NXPH1: variants seen among roughly 807,000 people sequenced by gnomAD.
NXPH1 encodes the protein neurexophilin 1, also known as neurexophilin-1.
Under a neutral mutation model 23.7 loss-of-function variants are expected in NXPH1, and 5 were observed. That is an observed-to-expected ratio of 0.21 (90% CI 0.11 to 0.44). The LOEUF is 0.44. Ranked by LOEUF, NXPH1 falls within the 20% of genes least tolerant of loss-of-function variation. The pLI is 0.99. For missense variants in NXPH1, 324 were observed against 321.6 expected, an observed-to-expected ratio of 1.01 and a Z score of -0.06; for synonymous variants, 144 against 122.2, an observed-to-expected ratio of 1.18 and a Z score of -1.18.
intron 2 of NXPH1, among the ~76,000 whole-genome samples, chr7:8,732,931 G>C (rs1214509425): frequency 6.6e-6 from 1 of 152,130 alleles, no homozygotes; most frequent in East Asian, 1.9e-4. Flanking sequence ...AGAGCATGCA[G>C]ATTTGTTACA....
intron 2 of NXPH1, among the ~76,000 whole-genome samples, chr7:8,671,886 A>G (rs1820873573): frequency 6.6e-6 from 1 of 152,186 alleles, no homozygotes; most frequent in African/African-American, 2.4e-5. Flanking sequence ...TTTTGGCTGT[A>G]TAAATGTCTT....
intron 2 of NXPH1, among the ~76,000 whole-genome samples, chr7:8,488,738 C>G (rs947454060): frequency 1.3e-5 from 2 of 152,136 alleles, no homozygotes; most frequent in Admixed American, 6.6e-5. Flanking sequence ...GTTTCTACAT[C>G]TGTAAAATGG....
At chr7:8,693,118 G>A (rs889816760) in intron 2 of NXPH1, among the ~76,000 whole-genome samples, 1 of 152,076 alleles carries the variant, frequency 6.6e-6, no homozygotes, top group Non-Finnish European at 1.5e-5. Flanking sequence ...CAAGAAGAAG[G>A]GAGAGTCTCA....
chr7:8,672,736 T>C (rs1291753981), intron 2 of NXPH1, among the ~76,000 whole-genome samples: 1 of 152,222 alleles, frequency 6.6e-6, no homozygotes, highest in Non-Finnish European at 1.5e-5. Context: ...ATACGAACAC[T>C]GTGTGCTAAC....
intron 2 of NXPH1, among the ~76,000 whole-genome samples, chr7:8,714,236 G>A (rs755009459): frequency 6.6e-6 from 1 of 152,102 alleles, no homozygotes; most frequent in African/African-American, 2.4e-5. Flanking sequence ...CCCATGGAGA[G>A]TATTGCCAGG....
intron 2 of NXPH1, among the ~76,000 whole-genome samples, chr7:8,699,080 C>T (rs1005134078): frequency 1.3e-5 from 2 of 152,056 alleles, no homozygotes; most frequent in Non-Finnish European, 2.9e-5. Flanking sequence ...AGGATTAGAA[C>T]AGATCAAATT....
At chr7:8,673,620 C>A (rs899776074) in intron 2 of NXPH1, among the ~76,000 whole-genome samples, 14 of 152,148 alleles carry the variant, frequency 9.2e-5, no homozygotes, top group African/African-American at 3.1e-4. Context: ...TGCTTTCATG[C>A]ATACATTTGG....
chr7:8,647,640 C>A (rs1450881252), intron 2 of NXPH1, among the ~76,000 whole-genome samples: 1 of 151,928 alleles, frequency 6.6e-6, no homozygotes, highest in East Asian at 1.9e-4. Flanking sequence ...CTTTTAATCG[C>A]TAGTTATGTT....
chr7:8,486,645 C>T (rs1192064311), intron 2 of NXPH1, among the ~76,000 whole-genome samples: 1 of 152,152 alleles, frequency 6.6e-6, no homozygotes, highest in Non-Finnish European at 1.5e-5. Flanking sequence ...ATGCTGGATC[C>T]AGCCCTGCCT....
intron 2 of NXPH1, among the ~76,000 whole-genome samples, chr7:8,492,103 T>C (rs1817256753): frequency 6.6e-6 from 1 of 152,068 alleles, no homozygotes. Flanking sequence ...TATGTGGCCA[T>C]TGGAGCTGAT....
intron 2 of NXPH1, among the ~76,000 whole-genome samples, chr7:8,647,956 G>A (rs1171512091): frequency 6.6e-6 from 1 of 151,924 alleles, no homozygotes; most frequent in Non-Finnish European, 1.5e-5. Flanking sequence ...TTAATTTTTA[G>A]TCAAAATATT....
chr7:8,484,941 G>A (rs925976782), intron 2 of NXPH1, among the ~76,000 whole-genome samples: 1 of 152,120 alleles, frequency 6.6e-6, no homozygotes, highest in Admixed American at 6.6e-5. Flanking sequence ...TGTGAGTCTG[G>A]AGCATATTTG....
chr7:8,751,893 G>T lies in NXPH1; in HGVS notation c.*124G>T. On this transcript the variant is annotated 3_prime_UTR_variant, in exon 3 of 3. Transcript: ENST00000405863. This position sits in a 1 kb window ranked among gnomAD's most constrained non-coding sequence, Gnocchi z 4.5. ...GTCTACACTGCTGCTCTTGTCAACT[G>T]GCTGCAAAATACACTAGTGGAAAAC... The T allele has an allele frequency of 1.1e-6, 1 of 907,456 alleles. No homozygotes were observed. The highest frequency in any genetic ancestry group is 1.6e-6 in the Non-Finnish European group (1 of 621,614). The allele number at this position is 907,456 out of a possible 1,614,324, so 56.2% of individuals were successfully genotyped here.
chr7:8,461,629 G>T (rs1816696318), intron 2 of NXPH1, among the ~76,000 whole-genome samples: 2 of 151,056 alleles, frequency 1.3e-5, no homozygotes, highest in African/African-American at 4.9e-5. Flanking sequence ...AGGAGATCGA[G>T]ACCATCCTGG....
intron 2 of NXPH1, among the ~76,000 whole-genome samples, chr7:8,683,225 A>G (rs1209203182): frequency 6.6e-6 from 1 of 152,232 alleles, no homozygotes; most frequent in African/African-American, 2.4e-5. Flanking sequence ...CTTTTGCATA[A>G]ATGCATAGAG....
intron 2 of NXPH1, among the ~76,000 whole-genome samples, chr7:8,526,151 G>C (rs1044049080): frequency 5.3e-5 from 8 of 152,250 alleles, no homozygotes; most frequent in Admixed American, 4.6e-4. Context: ...TTGCATCAGC[G>C]TGAGCTGGAT....
chr7:8,601,767 C>A (rs1819367931), intron 2 of NXPH1, among the ~76,000 whole-genome samples: 1 of 152,176 alleles, frequency 6.6e-6, no homozygotes, highest in Non-Finnish European at 1.5e-5. Flanking sequence ...CTTCACTTCC[C>A]AGATTTGTGA....
At chr7:8,473,848 C>A (rs141732936) in intron 2 of NXPH1, among the ~76,000 whole-genome samples, 1 of 151,944 alleles carries the variant, frequency 6.6e-6, no homozygotes, top group African/African-American at 2.4e-5. Flanking sequence ...TGAATCTACC[C>A]CCAAAGAACC....
At chr7:8,699,440 G>T (rs1048449603) in intron 2 of NXPH1, among the ~76,000 whole-genome samples, 3 of 151,116 alleles carry the variant, frequency 2.0e-5, no homozygotes, top group African/African-American at 7.3e-5. Context: ...ATCTCATCAA[G>T]TACCAACAAT....
Sources: allele counts gnomAD v4.1 joint callset (sites outside exome capture counted in the v4.1 genomes callset), GRCh38; gene constraint gnomAD v4.1.1; non-coding constraint Gnocchi (gnomAD v3.1); transcripts MANE v1.5; gene names NCBI Gene and HGNC (gene_info 2026-07-23, HGNC 2026-07-21).